The following MYT1L variants were observed in gnomAD, a reference collection of about 807,000 sequenced individuals.
The protein encoded by MYT1L is myelin transcription factor 1 like, also known as myelin transcription factor 1-like protein.
A neutral mutation model predicts 126.7 loss-of-function variants in MYT1L; 12 were observed. That is an observed-to-expected ratio of 0.09 (90% CI 0.06 to 0.15). The LOEUF is 0.15. Ranked by LOEUF, MYT1L falls within the 10% of genes least tolerant of loss-of-function variation. The probability of loss-of-function intolerance (pLI) is 1.00; values close to 1 mark genes in which losing one functional copy is unlikely to be tolerated. For missense variants in MYT1L, 979 were observed against 1,585.2 expected, an observed-to-expected ratio of 0.62 and a Z score of 6.49; for synonymous variants, 541 against 604.2, an observed-to-expected ratio of 0.90 and a Z score of 1.53.
intron 3 of MYT1L, among the ~76,000 whole-genome samples, chr2:2,085,852 G>T (rs1447550568): frequency 2.0e-5 from 3 of 152,122 alleles, no homozygotes; most frequent in Admixed American, 6.5e-5. Flanking sequence ...AGGCCCCTCT[G>T]TCCCCACTCG....
chr2:1,897,458 T>TG (rs2049751533), intron 14 of MYT1L, among the ~76,000 whole-genome samples: 1 of 152,134 alleles, frequency 6.6e-6, no homozygotes, highest in Non-Finnish European at 1.5e-5. Context: ...AACTTTTTTT[T>TG]TTTTTGTTTG....
intron 2 of MYT1L, among the ~76,000 whole-genome samples, chr2:2,207,540 A>T (rs2093361654): frequency 6.6e-6 from 1 of 152,332 alleles, no homozygotes; most frequent in South Asian, 2.1e-4. Context: ...AGTTGAATTC[A>T]TCAAACGCTG....
At chr2:2,113,023 G>C (rs2147772582) in intron 3 of MYT1L, among the ~76,000 whole-genome samples, 1 of 152,268 alleles carries the variant, frequency 6.6e-6, no homozygotes, top group Admixed American at 6.5e-5. Context: ...TGCTGCTGTG[G>C]CCACGACGAG....
intron 18 of MYT1L, among the ~76,000 whole-genome samples, chr2:1,872,226 C>T (rs2046363551): frequency 6.6e-6 from 1 of 152,100 alleles, no homozygotes; most frequent in Non-Finnish European, 1.5e-5. Context: ...ATGTTCCGAC[C>T]CCCAGTCATC....
At chr2:1,896,753 C>T (rs2049626813) in intron 14 of MYT1L, among the ~76,000 whole-genome samples, 1 of 152,022 alleles carries the variant, frequency 6.6e-6, no homozygotes, top group Non-Finnish European at 1.5e-5. Context: ...TGCAATATGC[C>T]CGTGTAATGA....
At chr2:2,188,147 C>G (rs1001290474) in intron 2 of MYT1L, among the ~76,000 whole-genome samples, 1 of 152,180 alleles carries the variant, frequency 6.6e-6, no homozygotes. Context: ...CATGCACACA[C>G]ACATACACTT....
intron 2 of MYT1L, among the ~76,000 whole-genome samples, chr2:2,212,572 A>G (rs971357566): frequency 1.3e-5 from 2 of 152,170 alleles, no homozygotes; most frequent in African/African-American, 4.8e-5. Flanking sequence ...GTAAGTATAA[A>G]TGGTATTTAA....
chr2:2,243,151 A>G (rs919539477), intron 2 of MYT1L, among the ~76,000 whole-genome samples: 1 of 152,198 alleles, frequency 6.6e-6, no homozygotes, highest in African/African-American at 2.4e-5. Flanking sequence ...AAACCAAAGG[A>G]GAAATCAGAA....
chr2:2,305,163 A>G (rs149488474), intron 1 of MYT1L, among the ~76,000 whole-genome samples: 322 of 152,352 alleles, frequency 2.1e-3, no homozygotes, highest in African/African-American at 7.1e-3. Context: ...GCACACTTAC[A>G]TCACAAATCT....
chr2:2,214,386 A>G (rs2093620408), intron 2 of MYT1L, among the ~76,000 whole-genome samples: 1 of 152,084 alleles, frequency 6.6e-6, no homozygotes, highest in African/African-American at 2.4e-5. Context: ...CAAAACCCAA[A>G]CACAAGAACA....
chr2:2,032,845 TAGA>T (rs945372622), intron 4 of MYT1L, among the ~76,000 whole-genome samples: 5 of 132,444 alleles, frequency 3.8e-5, no homozygotes, highest in African/African-American at 8.9e-5. Context: ...GAGCAGATTC[TAGA>T]AGGAGGGCCT....
intron 5 of MYT1L, among the ~76,000 whole-genome samples, chr2:1,988,342 G>A (rs890827091): frequency 6.6e-6 from 1 of 152,204 alleles, no homozygotes; most frequent in Non-Finnish European, 1.5e-5. Context: ...TGGAAGGTGG[G>A]CCCGTGATGA....
intron 21 of MYT1L, among the ~76,000 whole-genome samples, chr2:1,821,430 A>G (rs1254013034): frequency 1.3e-5 from 2 of 152,178 alleles, no homozygotes; most frequent in Non-Finnish European, 2.9e-5. Flanking sequence ...TAAAATAGAT[A>G]TTCGTGTTCT....
intron 18 of MYT1L, chr2:1,883,845 G>C (rs1171283313): frequency 2.0e-5 from 3 of 152,186 alleles, no homozygotes; most frequent in Non-Finnish European, 2.9e-5. Flanking sequence ...ATGGGCTAGG[G>C]AGCAAAGAAA....
chr2:2,215,580 T>C (rs1048457420), intron 2 of MYT1L, among the ~76,000 whole-genome samples: 2 of 152,216 alleles, frequency 1.3e-5, no homozygotes, highest in African/African-American at 2.4e-5. Context: ...TCTACAATTA[T>C]AGTCAAGAGA....
intron 2 of MYT1L, among the ~76,000 whole-genome samples, chr2:2,262,534 T>A (rs2094997950): frequency 1.3e-5 from 2 of 151,666 alleles, no homozygotes; most frequent in African/African-American, 2.4e-5. Context: ...CTACTAAAAC[T>A]ACAAAAAAAT....
chr2:2,250,498 G>A (rs962998395), intron 2 of MYT1L, among the ~76,000 whole-genome samples: 4 of 150,526 alleles, frequency 2.7e-5, no homozygotes, highest in Admixed American at 2.0e-4. Flanking sequence ...TAGAAGGAAT[G>A]TTACCAGAGG....
At chr2:2,195,619 T>C (rs982796803) in intron 2 of MYT1L, among the ~76,000 whole-genome samples, 2 of 152,004 alleles carry the variant, frequency 1.3e-5, no homozygotes, top group Admixed American at 1.3e-4. Context: ...AACAAATACA[T>C]TGAGACTCAC....
At chr2:2,070,308 T>C (rs951976054) in intron 3 of MYT1L, among the ~76,000 whole-genome samples, 6 of 152,212 alleles carry the variant, frequency 3.9e-5, no homozygotes, top group African/African-American at 1.4e-4. Flanking sequence ...CCCTGCCATT[T>C]GTCTATCCAT....
Sources: gnomAD v4.1 joint callset for allele counts (sites outside exome capture counted in the v4.1 genomes callset) on GRCh38, gnomAD v4.1.1 for gene constraint, MANE v1.5 for transcripts, NCBI Gene and HGNC (gene_info 2026-07-23, HGNC 2026-07-21) for gene names.